SGSM1: variants seen among roughly 807,000 people sequenced by gnomAD.
The protein encoded by SGSM1 is small G protein signaling modulator 1.
A neutral mutation model predicts 133.8 loss-of-function variants in SGSM1; 73 were observed. That is an observed-to-expected ratio of 0.55 (90% CI 0.45 to 0.66). SGSM1 has a LOEUF of 0.66. Among genes scored for constraint, SGSM1 ranks in the 30% least tolerant of loss-of-function variants. The pLI is 0.00. For synonymous variants in SGSM1, 563 were observed against 573.0 expected, an observed-to-expected ratio of 0.98 and a Z score of 0.25; for missense variants, 1,213 against 1,448.1, an observed-to-expected ratio of 0.84 and a Z score of 2.64.
chr22:24,896,274 A>T (rs1056170207), intron 18 of SGSM1, among the ~76,000 whole-genome samples: 3 of 148,212 alleles, frequency 2.0e-5, no homozygotes, highest in African/African-American at 7.5e-5. Context: ...ATTTTGGAGT[A>T]AAAAAAAAAC....
chr22:24,859,788 A>G lies in SGSM1; in HGVS notation c.874A>G (p.Thr292Ala). Reference protein sequence around the residue: ...QTADVMTLKWTPNQLMNGSVG... With the variant: ...QTADVMTLKWAPNQLMNGSVG... ...GGCTGACGTCATGACCTTGAAGTGG[A>G]CACCCAACCAGCTGATGAACGGGTC... The change falls in exon 9 of 25, where the codon ACA becomes GCA. Residue 292 changes from threonine (T) to alanine (A), a missense_variant. Coordinates refer to ENST00000400358, the MANE Select transcript of SGSM1 (RefSeq NM_001098497.3). The G allele has an allele frequency of 6.2e-7, 1 of 1,613,916 alleles. No homozygotes were observed.
rs139618 is a variant in SGSM1, at chr22:24,806,244, A to C, written c.-82A>C. The stretch of plus-strand genomic sequence containing the variant: ...CTCGGCCCCGCCCCGCCGCGGCTGC[A>C]GCAGCAGCGCCGCGGCCGGAGGAGC... On this transcript the variant is annotated 5_prime_UTR_variant, in exon 1 of 25. Coordinates refer to ENST00000400358, the MANE Select transcript of SGSM1 (RefSeq NM_001098497.3). 140,358 of 1,314,302 alleles carry C rather than the reference A, an allele frequency of 0.11. 7,781 individuals carry two copies. The highest frequency in any genetic ancestry group is 0.12 in the Middle Eastern group (408 of 3,460). The allele number at this position is 1,314,302 out of a possible 1,614,324, so 81.4% of individuals were successfully genotyped here.
At chr22:24,879,637 C>G in intron 14 of SGSM1, 111 bp downstream of exon 14, 1 of 1,024,084 alleles carries the variant, frequency 9.8e-7, no homozygotes, top group East Asian at 2.6e-5. Context: ...CTCTCCTCCT[C>G]TATTCCCTAG....
At chr22:24,812,109 G>A (rs950518153) in intron 2 of SGSM1, among the ~76,000 whole-genome samples, 4 of 151,300 alleles carry the variant, frequency 2.6e-5, no homozygotes, top group Non-Finnish European at 5.9e-5. Flanking sequence ...GGTGGAGGTG[G>A]CAGGGAACTG....
At position 24,919,806 on chromosome 22, in the gene SGSM1, G is replaced by A. The variant is rs747012934; in HGVS notation, c.3026-20G>A. 8.1e-6 allele frequency: 13 copies of A among 1,613,406 alleles called. No individual in the cohort carries two copies. Among genetic ancestry groups the A allele is most frequent in the Non-Finnish European group, 9.3e-6 (11 of 1,179,834 alleles). ...GCCCCGTCACCAATTCTCTCCCCATGTGTGTTGGTGTCTTGGCAGAACTCG... is the reference window on the plus strand; with the variant it reads ...GCCCCGTCACCAATTCTCTCCCCATATGTGTTGGTGTCTTGGCAGAACTCG... On this transcript the variant is annotated intron_variant, in intron 23 of 24. Transcript: ENST00000400358.
At chr22:24,909,565 C>T (rs977951063) in intron 21 of SGSM1, among the ~76,000 whole-genome samples, 2 of 152,124 alleles carry the variant, frequency 1.3e-5, no homozygotes, top group African/African-American at 2.4e-5. Context: ...AAGCAATTCT[C>T]CTGCCTCAGC....
At chr22:24,923,301 G>A (rs773049533) in intron 24 of SGSM1, among the ~76,000 whole-genome samples, 12 of 152,098 alleles carry the variant, frequency 7.9e-5, no homozygotes, top group East Asian at 3.9e-4. Flanking sequence ...ACTATGACAC[G>A]CTGGGGTACC....
intron 14 of SGSM1, among the ~76,000 whole-genome samples, chr22:24,883,366 G>A (rs1345564628): frequency 6.6e-6 from 1 of 152,138 alleles, no homozygotes; most frequent in East Asian, 1.9e-4. Flanking sequence ...AGTTGTCCAC[G>A]TTTCACATTC....
At chr22:24,914,553 G>A (rs974802394) in intron 22 of SGSM1, among the ~76,000 whole-genome samples, 4 of 151,268 alleles carry the variant, frequency 2.6e-5, no homozygotes, top group Non-Finnish European at 5.9e-5. Context: ...CATCACTCCT[G>A]TCCTCCCAGT....
rs796809465 is a variant in SGSM1, at chr22:24,900,354, T to C, written c.2611-1479T>C. Reference sequence around the variant, plus strand: ...ATTGTTAACCTCTTCTTTCTTTCTTTCTTTCTTTCTTTCTTTCTTTCTTTC... The same window carrying C: ...ATTGTTAACCTCTTCTTTCTTTCTTCCTTTCTTTCTTTCTTTCTTTCTTTC... On this transcript the variant is annotated intron_variant, in intron 19 of 24. Coordinates refer to ENST00000400358, the MANE Select transcript of SGSM1 (RefSeq NM_001098497.3). Among the ~76,000 whole-genome samples the C allele has an allele frequency of 4.1e-4, 35 of 85,526 alleles. 1 individual carries two copies. The highest frequency in any genetic ancestry group is 1.8e-3 in the African/African-American group (33 of 18,656). The allele number at this position is 85,526 out of a possible 152,430, so 56.1% of individuals were successfully genotyped here.
intron 12 of SGSM1, among the ~76,000 whole-genome samples, chr22:24,869,714 A>T (rs2147876375): frequency 6.6e-6 from 1 of 152,262 alleles, no homozygotes; most frequent in East Asian, 1.9e-4. Context: ...TTGTAGTCAA[A>T]CTTTACACCG....
chr22:24,825,211 G>C (rs1410967891), intron 2 of SGSM1, among the ~76,000 whole-genome samples: 1 of 152,178 alleles, frequency 6.6e-6, no homozygotes, highest in South Asian at 2.1e-4. Context: ...TGAGCACATA[G>C]TGCCACCTTT....
intron 3 of SGSM1, among the ~76,000 whole-genome samples, chr22:24,846,278 T>A (rs2147837500): frequency 6.6e-6 from 1 of 152,018 alleles, no homozygotes; most frequent in Admixed American, 6.6e-5. Context: ...GGTTCAAGCA[T>A]TCCTCTCTCC....
At chr22:24,863,149 T>C (rs1021831379) in intron 9 of SGSM1, among the ~76,000 whole-genome samples, 2 of 152,284 alleles carry the variant, frequency 1.3e-5, no homozygotes, top group Middle Eastern at 3.4e-3. Context: ...TCATAGGCAC[T>C]GTTTTTGTTT....
At chr22:24,915,304 C>T (rs975100071) in intron 22 of SGSM1, among the ~76,000 whole-genome samples, 1 of 152,238 alleles carries the variant, frequency 6.6e-6, no homozygotes, top group Non-Finnish European at 1.5e-5. Flanking sequence ...GCTGCATGCA[C>T]GCAACAACTT....
chr22:24,850,173 C>T, intron 4 of SGSM1, 107 bp from the exon 5 acceptor site: 1 of 1,186,194 alleles, frequency 8.4e-7, no homozygotes, highest in South Asian at 1.6e-5. Flanking sequence ...TGTTTAGCTG[C>T]CATTCCTTCA....
chr22:24,891,566 A>G (rs1264067896), intron 16 of SGSM1, among the ~76,000 whole-genome samples: 1 of 152,162 alleles, frequency 6.6e-6, no homozygotes, highest in Admixed American at 6.5e-5. Flanking sequence ...GCCCCTCCAC[A>G]CTTCACCCAT....
intron 2 of SGSM1, among the ~76,000 whole-genome samples, chr22:24,827,089 A>C (rs911734174): frequency 6.6e-6 from 1 of 152,106 alleles, no homozygotes; most frequent in African/African-American, 2.4e-5. Context: ...ACCCTGGGGC[A>C]TGTAAGTCTC....
At chr22:24,899,525 T>C (rs912843809) in intron 19 of SGSM1, among the ~76,000 whole-genome samples, 11 of 150,798 alleles carry the variant, frequency 7.3e-5, no homozygotes, top group Non-Finnish European at 7.4e-5. Context: ...TTTCTTTTTT[T>C]TTTTTTTTTT....
Sources: allele counts gnomAD v4.1 joint callset (sites outside exome capture counted in the v4.1 genomes callset), GRCh38; gene constraint gnomAD v4.1.1; transcripts MANE v1.5; gene names NCBI Gene and HGNC (gene_info 2026-07-23, HGNC 2026-07-21).